The following NDST1 variants were observed in gnomAD, a reference collection of about 807,000 sequenced individuals.
The protein encoded by NDST1 is bifunctional heparan sulfate N-deacetylase/N-sulfotransferase 1.
A neutral mutation model predicts 92.8 loss-of-function variants in NDST1; 35 were observed. The ratio of observed to expected loss-of-function variants is 0.38; its 90% confidence interval spans 0.29 to 0.50. The LOEUF is 0.50. Among genes scored for constraint, NDST1 ranks in the 20% least tolerant of loss-of-function variants. The pLI is 0.94. For synonymous variants in NDST1, 493 were observed against 500.3 expected (o/e 0.99, Z 0.19); for missense variants, 822 against 1,182.7 (o/e 0.69, Z 4.47).
At chr5:150,531,899 G>A (rs1352597344) in intron 3 of NDST1, among the ~76,000 whole-genome samples, 1 of 152,192 alleles carries the variant, frequency 6.6e-6, no homozygotes, top group Non-Finnish European at 1.5e-5. Flanking sequence ...TCATTGACTC[G>A]AAGAGTACTG....
Position 150,527,954 on chromosome 5 carries a change from G to A in NDST1, c.664G>A (p.Gly222Ser), listed in dbSNP as rs758804616. Residue 222 changes from glycine (G) to serine (S), a missense_variant, in exon 3 of 15, where the codon GGC (glycine) becomes AGC (serine). Physicochemically the swap from Gly to Ser is moderately conservative, Grantham distance 56. Coordinates refer to ENST00000261797, the MANE Select transcript of NDST1 (RefSeq NM_001543.5). ...CGAGGTGGAGAAAGGTGTGCTCCCC[G>A]GCGAGGACTGGACGGTTTTCCAGTC... ...PSEVEKGVLP[G>S]EDWTVFQSNH... The A allele has an allele frequency of 1.5e-5, 25 of 1,613,870 alleles. No homozygotes were observed. The highest frequency in any genetic ancestry group is 6.7e-5 in the African/African-American group (5 of 74,922).
chr5:150,499,041 C>T (rs1452961339), intron 1 of NDST1, among the ~76,000 whole-genome samples: 1 of 152,250 alleles, frequency 6.6e-6, no homozygotes, highest in Non-Finnish European at 1.5e-5. Flanking sequence ...AGCCCAGCAC[C>T]AATGCCTTCT....
At chr5:150,509,044 G>T (rs1164748276) in intron 1 of NDST1, among the ~76,000 whole-genome samples, 1 of 152,146 alleles carries the variant, frequency 6.6e-6, no homozygotes, top group Admixed American at 6.5e-5. Flanking sequence ...TCATTCAGGG[G>T]ACAATGACCT....
chr5:150,545,592 G>A (rs1755442503), intron 11 of NDST1, 106 bp downstream of exon 11: 2 of 1,427,736 alleles, frequency 1.4e-6, no homozygotes, highest in Non-Finnish European at 1.9e-6. Context: ...CCTACTGTGT[G>A]CCAGCCCTGA....
chr5:150,517,654 C>A (rs1467611976), intron 1 of NDST1, among the ~76,000 whole-genome samples: 1 of 152,240 alleles, frequency 6.6e-6, no homozygotes, highest in Non-Finnish European at 1.5e-5. Flanking sequence ...TCTCAACCCC[C>A]AACCTCTGGC....
rs568400101 is a variant in NDST1, at chr5:150,543,841, G to A, written c.1970+870G>A. 9.9e-5 allele frequency among the ~76,000 whole-genome samples: 15 copies of A among 151,684 alleles called. No homozygotes were observed. In the East Asian group the frequency reaches 2.1e-3, roughly 22 times the overall value. The stretch of plus-strand genomic sequence containing the variant: ...GTCACCCAGGCTGCAGTGCAGTGGC[G>A]CGATCTCGGCTTACTGCAACCTCTG... On this transcript the variant is annotated intron_variant, in intron 10 of 14. Transcript: ENST00000261797.
Position 150,545,339 on chromosome 5 carries a change from C to A in NDST1, c.1998C>A (p.Ser666=). 1 of 1,614,252 alleles carries A rather than the reference C, an allele frequency of 6.2e-7. No homozygotes were observed. Residue 666 remains serine (S), a synonymous_variant, in exon 11 of 15, where the codon TCC becomes TCA. Transcript: ENST00000261797. ...DWYMEFFPIP[S]NTTSDFYFEK... ...ACATGGAGTTCTTCCCCATCCCTTC[C>A]AACACCACCTCCGACTTCTACTTTG... is the stretch of plus-strand genomic sequence containing the variant.
chr5:150,525,376 G>A (rs545431069), intron 2 of NDST1, among the ~76,000 whole-genome samples: 2 of 152,278 alleles, frequency 1.3e-5, no homozygotes, highest in East Asian at 1.9e-4. Context: ...CTCAGCACCC[G>A]CGGTCCAGTG....
Position 150,527,830 on chromosome 5 carries a change from G to T in NDST1, c.540G>T (p.Ala180=), listed in dbSNP as rs138112808. ...FKANENSLLS[A]QLKGFPLFLH... ...CCAATGAGAACAGCCTGCTGAGTGC[G>T]CAGCTCAAGGGCTTCCCCCTGTTCC... The change falls in exon 3 of 15, where the codon GCG becomes GCT. Residue 180 remains alanine (A), a synonymous_variant. Coordinates refer to ENST00000261797, the MANE Select transcript of NDST1 (RefSeq NM_001543.5). 1.2e-6 allele frequency: 2 copies of T among 1,614,042 alleles called. No individual in the cohort carries two copies. The highest frequency in any genetic ancestry group is 2.2e-5 in the South Asian group (2 of 91,076).
In NDST1 at chr5:150,539,304, T is replaced by C. The variant is rs1321829840; in HGVS notation, c.1514T>C (p.Leu505Pro). ...GAGTACCCTGGCGGCTCCAGTGAGCTGGACAAGATCATCAACGGGGGCGAG... is the reference window on the plus strand; with the variant it reads ...GAGTACCCTGGCGGCTCCAGTGAGCCGGACAAGATCATCAACGGGGGCGAG... Reference protein sequence around the residue: ...YNEYPGGSSELDKIINGGELF... With the variant: ...YNEYPGGSSEPDKIINGGELF... Residue 505 changes from leucine (L) to proline (P), a missense_variant, in exon 7 of 15, where the codon CTG becomes CCG. By Grantham distance (98) the Leu-to-Pro change is moderately conservative. Transcript: ENST00000261797. The C allele has an allele frequency of 6.2e-7, 1 of 1,614,044 alleles. No homozygotes were observed. The highest frequency in any genetic ancestry group is 8.5e-7 in the Non-Finnish European group (1 of 1,180,048).
At chr5:150,542,707 G>T in intron 9 of NDST1, 141 bp from the exon 10 acceptor site, 1 of 1,072,598 alleles carries the variant, frequency 9.3e-7, no homozygotes, top group East Asian at 2.4e-5. Context: ...TCATTGCACA[G>T]ATGAAGAAGC....
chr5:150,523,701 C>T (rs999720164), intron 2 of NDST1, among the ~76,000 whole-genome samples: 5 of 152,186 alleles, frequency 3.3e-5, no homozygotes, highest in African/African-American at 7.2e-5. Context: ...GGGGACCAGG[C>T]GGTGGGCTGT....
At chr5:150,533,102 C>T (rs1754817161) in intron 4 of NDST1, 70 bp downstream of exon 4, 1 of 1,467,790 alleles carries the variant, frequency 6.8e-7, no homozygotes, top group African/African-American at 1.4e-5. Flanking sequence ...CTCAAAGCAC[C>T]CATCCATGAG....
chr5:150,522,335 C>T (rs1049860943), intron 2 of NDST1, among the ~76,000 whole-genome samples: 10 of 152,090 alleles, frequency 6.6e-5, no homozygotes, highest in African/African-American at 2.4e-4. Flanking sequence ...AGAATGAAAT[C>T]CCACTGGCAG....
chr5:150,500,456 TGTC>T (rs1377153077), intron 1 of NDST1, among the ~76,000 whole-genome samples: 43 of 152,238 alleles, frequency 2.8e-4, no homozygotes, highest in African/African-American at 1.0e-3. Context: ...CTTCCCCAGT[TGTC>T]GTGGCTGAGT....
At chr5:150,502,375 G>A (rs771284612) in intron 1 of NDST1, among the ~76,000 whole-genome samples, 1 of 152,252 alleles carries the variant, frequency 6.6e-6, no homozygotes. Context: ...AGTGTTGACC[G>A]CAAGGTTTCT....
intron 2 of NDST1, among the ~76,000 whole-genome samples, chr5:150,524,113 C>T (rs1347912270): frequency 2.0e-5 from 3 of 152,178 alleles, no homozygotes; most frequent in Admixed American, 6.6e-5. Context: ...CTTAAAAGTC[C>T]AGACAGGTTC....
Position 150,553,512 on chromosome 5 carries a change from C to G in NDST1, c.*180C>G. ...GCGGATCTGCAAGCACCTCGGAGCA[C>G]CCACCGCTGGGTCTGCGGCCTAAGG... On this transcript the variant is annotated 3_prime_UTR_variant, in exon 15 of 15. Coordinates refer to ENST00000261797, the MANE Select transcript of NDST1 (RefSeq NM_001543.5). The surrounding 1 kb of genome is among the most constrained non-coding windows in gnomAD (Gnocchi z 4.2). The G allele has an allele frequency of 1.2e-6, 1 of 812,872 alleles. No homozygotes were observed. The allele number at this position is 812,872 out of a possible 1,614,324, so 50.4% of individuals were successfully genotyped here.
intron 11 of NDST1, among the ~76,000 whole-genome samples, chr5:150,547,638 C>A (rs1755547830): frequency 6.6e-6 from 1 of 152,202 alleles, no homozygotes; most frequent in African/African-American, 2.4e-5. Flanking sequence ...ACAAAGAGAG[C>A]ATGTTCAGGG....
Sources: allele counts gnomAD v4.1 joint callset (sites outside exome capture counted in the v4.1 genomes callset), GRCh38; gene constraint gnomAD v4.1.1; non-coding constraint Gnocchi (gnomAD v3.1); transcripts MANE v1.5; gene names NCBI Gene and HGNC (gene_info 2026-07-23, HGNC 2026-07-21).